TOX2: variants seen among roughly 807,000 people sequenced by gnomAD.
TOX2 encodes the protein granulosa cell HMG box 1.
In TOX2, 15 loss-of-function variants were observed where a neutral mutation model predicts 47.4. The observed-to-expected ratio is 0.32, with a 90% confidence interval of 0.21 to 0.49. The LOEUF (loss-of-function observed/expected upper bound fraction) is 0.49, where lower values mean the gene tolerates loss of function less well. TOX2 is among the 20% of genes least tolerant of loss of function. TOX2 has a pLI of 0.99. For synonymous variants in TOX2, 290 were observed against 296.6 expected, an observed-to-expected ratio of 0.98 and a Z score of 0.23; for missense variants, 622 against 673.1, an observed-to-expected ratio of 0.92 and a Z score of 0.84.
At chr20:43,995,999 G>A (rs1274862905) in intron 2 of TOX2, among the ~76,000 whole-genome samples, 1 of 152,192 alleles carries the variant, frequency 6.6e-6, no homozygotes, top group African/African-American at 2.4e-5. Flanking sequence ...CTTTATGGAA[G>A]AATGATTTAT....
intron 1 of TOX2, among the ~76,000 whole-genome samples, chr20:43,937,192 C>T (rs1038052932): frequency 3.9e-5 from 6 of 152,128 alleles, no homozygotes; most frequent in African/African-American, 1.2e-4. Context: ...GGGAAGAGCA[C>T]GCGCGAAGGT....
At chr20:44,052,555 G>T (rs2071533998) in intron 4 of TOX2, among the ~76,000 whole-genome samples, 1 of 152,184 alleles carries the variant, frequency 6.6e-6, no homozygotes, top group Non-Finnish European at 1.5e-5. Flanking sequence ...TTCATCCTAA[G>T]GATGACTCGA....
intron 2 of TOX2, among the ~76,000 whole-genome samples, chr20:43,977,158 A>T (rs192066684): frequency 1.4e-3 from 219 of 152,300 alleles, no homozygotes; most frequent in Non-Finnish European, 1.9e-3. Flanking sequence ...GCTGGAGTGC[A>T]GTAGCTTGAT....
At chr20:43,968,757 A>G (rs1438415616) in intron 1 of TOX2, among the ~76,000 whole-genome samples, 1 of 152,232 alleles carries the variant, frequency 6.6e-6, no homozygotes, top group African/African-American at 2.4e-5. Context: ...AGGAATTATA[A>G]TTAGAATATG....
chr20:43,957,651 G>A (rs1023169314), intron 1 of TOX2, among the ~76,000 whole-genome samples: 15 of 151,056 alleles, frequency 9.9e-5, no homozygotes, highest in Admixed American at 9.2e-4. Context: ...CAAGGTGTTG[G>A]CAGGGTTGAT....
At chr20:44,066,704 A>G in intron 7 of TOX2, 26 bp from the exon 8 acceptor site, 1 of 1,613,934 alleles carries the variant, frequency 6.2e-7, no homozygotes, top group Non-Finnish European at 8.5e-7. Flanking sequence ...TCCTTGGCTC[A>G]TGGCCTCCTC....
Position 44,011,674 on chromosome 20 carries a change from C to T in TOX2, c.411+4882C>T, listed in dbSNP as rs187734778. 3.6e-3 allele frequency among the ~76,000 whole-genome samples: 551 copies of T among 152,346 alleles called. 5 individuals are homozygous for T. Among genetic ancestry groups the T allele is most frequent in the African/African-American group, 0.012 (518 of 41,564 alleles). Reference sequence around the variant, plus strand: ...AGGGCCACAGGTGGCACAGAGGATGCGCTGATGGCCAGGGTGCTTCAGGCG... The same window carrying T: ...AGGGCCACAGGTGGCACAGAGGATGTGCTGATGGCCAGGGTGCTTCAGGCG... On this transcript the variant is annotated intron_variant, in intron 3 of 8. Transcript: ENST00000341197.
rs1011472960 is a variant in TOX2, at chr20:44,048,075, C to T, written c.412-3231C>T. Among the ~76,000 whole-genome samples, 8 of 151,786 alleles carry T rather than the reference C, an allele frequency of 5.3e-5. No individual in the cohort carries two copies. In the East Asian group the frequency reaches 5.8e-4, roughly 11 times the overall value. Reference sequence around the variant, plus strand: ...CTCTCCTAAAAATACAAAAAGTAGCCGGGTGTGGTGACATGCACCTGTAAT... The same window carrying T: ...CTCTCCTAAAAATACAAAAAGTAGCTGGGTGTGGTGACATGCACCTGTAAT... On this transcript the variant is annotated intron_variant, in intron 3 of 8. Coordinates refer to ENST00000341197, the MANE Select transcript of TOX2 (RefSeq NM_001098797.2).
intron 1 of TOX2, among the ~76,000 whole-genome samples, chr20:43,932,894 C>T (rs1262630739): frequency 6.6e-6 from 1 of 152,084 alleles, no homozygotes; most frequent in African/African-American, 2.4e-5. Context: ...CTCATCTGCC[C>T]CTCTTTCTAA....
intron 5 of TOX2, among the ~76,000 whole-genome samples, chr20:44,064,487 A>G (rs549196700): frequency 1.7e-4 from 26 of 152,332 alleles, no homozygotes; most frequent in African/African-American, 6.3e-4. Flanking sequence ...TTCAAAGGGC[A>G]TTGTCTTTCT....
At chr20:44,034,485 A>C (rs2071208343) in intron 3 of TOX2, among the ~76,000 whole-genome samples, 1 of 152,248 alleles carries the variant, frequency 6.6e-6, no homozygotes, top group Non-Finnish European at 1.5e-5. Context: ...CAGGAGCAGC[A>C]TGGAGCTCTG....
intron 3 of TOX2, among the ~76,000 whole-genome samples, chr20:44,035,812 T>C (rs551968598): frequency 1.3e-5 from 2 of 152,222 alleles, no homozygotes; most frequent in South Asian, 2.1e-4. Context: ...GAGATGGAGA[T>C]TGTGCACAGC....
intron 3 of TOX2, among the ~76,000 whole-genome samples, chr20:44,035,705 G>T (rs543057688): frequency 6.6e-6 from 1 of 152,336 alleles, no homozygotes; most frequent in South Asian, 2.1e-4. Context: ...CCTGCTCAAT[G>T]CCAGGGAGAT....
intron 1 of TOX2, among the ~76,000 whole-genome samples, chr20:43,944,532 C>A (rs975294181): frequency 1.4e-5 from 2 of 147,920 alleles, no homozygotes; most frequent in African/African-American, 5.3e-5. Context: ...CTTTCTGGAG[C>A]CTTTTGTAAT....
intron 2 of TOX2, among the ~76,000 whole-genome samples, chr20:43,975,797 T>TG (rs2070067012): frequency 6.6e-6 from 1 of 152,130 alleles, no homozygotes; most frequent in Non-Finnish European, 1.5e-5. Flanking sequence ...GTGACCACCA[T>TG]GGGGAAAGGA....
At chr20:44,039,569 T>A (rs1452772481) in intron 3 of TOX2, among the ~76,000 whole-genome samples, 1 of 152,058 alleles carries the variant, frequency 6.6e-6, no homozygotes, top group Admixed American at 6.5e-5. Context: ...TGGGTGCAAG[T>A]AGTTTGTCTC....
At chr20:43,939,182 T>A (rs2145342920) in intron 1 of TOX2, among the ~76,000 whole-genome samples, 1 of 152,218 alleles carries the variant, frequency 6.6e-6, no homozygotes, top group Middle Eastern at 3.4e-3. Flanking sequence ...GCACGTTAGG[T>A]CCTAGGACCT....
chr20:43,969,601 C>T (rs1227602339), intron 1 of TOX2, among the ~76,000 whole-genome samples: 1 of 152,260 alleles, frequency 6.6e-6, no homozygotes, highest in Non-Finnish European at 1.5e-5. Flanking sequence ...TCATGCCCTC[C>T]AAGGGCTCCG....
chr20:43,920,765 C>T (rs190523976), intron 1 of TOX2, among the ~76,000 whole-genome samples: 1 of 152,194 alleles, frequency 6.6e-6, no homozygotes, highest in Admixed American at 6.5e-5. Context: ...GACCATCAGC[C>T]TAGAGGGATG....
Sources: allele counts gnomAD v4.1 joint callset (sites outside exome capture counted in the v4.1 genomes callset), GRCh38; gene constraint gnomAD v4.1.1; transcripts MANE v1.5; gene names NCBI Gene and HGNC (gene_info 2026-07-23, HGNC 2026-07-21).